The following ATP8A2 variants were observed in gnomAD, a reference collection of about 807,000 sequenced individuals.
The protein encoded by ATP8A2 is phospholipid-transporting ATPase IB.
A neutral mutation model predicts 165.6 loss-of-function variants in ATP8A2; 100 were observed. The ratio of observed to expected loss-of-function variants is 0.60; its 90% CI spans 0.51 to 0.71. ATP8A2 has a LOEUF of 0.71. Ranked by LOEUF, ATP8A2 falls within the 30% of genes least tolerant of loss-of-function variation. ATP8A2 has a pLI of 0.00. For missense variants in ATP8A2, 1,227 were observed against 1,479.5 expected (o/e 0.83, Z 2.80); for synonymous variants, 543 against 548.8 (o/e 0.99, Z 0.15).
At chr13:25,763,623 C>T (rs1216133679) in intron 25 of ATP8A2, among the ~76,000 whole-genome samples, 4 of 152,206 alleles carry the variant, frequency 2.6e-5, no homozygotes, top group Non-Finnish European at 5.9e-5. Context: ...ATATCTGCCA[C>T]TGTGCTCCAG....
At chr13:25,795,604 TC>T (rs957271087) in intron 27 of ATP8A2, among the ~76,000 whole-genome samples, 23 of 152,278 alleles carry the variant, frequency 1.5e-4, no homozygotes, top group African/African-American at 5.1e-4. Flanking sequence ...AGGACTTTTT[TC>T]CCCCTCTTTG....
chr13:25,973,666 C>T (rs767890704), intron 35 of ATP8A2, among the ~76,000 whole-genome samples: 7 of 152,210 alleles, frequency 4.6e-5, no homozygotes, highest in Admixed American at 1.3e-4. Flanking sequence ...AACGGAAATC[C>T]TTTGATCTTT....
At chr13:25,948,042 A>G (rs774706332) in intron 33 of ATP8A2, among the ~76,000 whole-genome samples, 7 of 152,204 alleles carry the variant, frequency 4.6e-5, no homozygotes, top group Non-Finnish European at 7.3e-5. Context: ...AATATAAAAA[A>G]GAGACTTAGA....
chr13:25,980,452 T>C (rs1956153058), intron 35 of ATP8A2, among the ~76,000 whole-genome samples: 1 of 151,930 alleles, frequency 6.6e-6, no homozygotes, highest in South Asian at 2.1e-4. Flanking sequence ...AGAAGGCCTG[T>C]AGGGGGAGTG....
chr13:25,779,572 CT>C (rs1053726916), intron 27 of ATP8A2, among the ~76,000 whole-genome samples: 3 of 151,276 alleles, frequency 2.0e-5, no homozygotes, highest in East Asian at 1.9e-4. Context: ...GCTGGGATTC[CT>C]TTTTTTTTCT....
intron 33 of ATP8A2, among the ~76,000 whole-genome samples, chr13:25,896,047 G>A (rs1953535731): frequency 1.3e-5 from 2 of 152,098 alleles, no homozygotes; most frequent in Non-Finnish European, 2.9e-5. Flanking sequence ...GTTCTGCTCT[G>A]ATCTTAGTTA....
At chr13:25,777,959 T>C (rs2044779433) in intron 27 of ATP8A2, among the ~76,000 whole-genome samples, 1 of 152,242 alleles carries the variant, frequency 6.6e-6, no homozygotes, top group Non-Finnish European at 1.5e-5. Flanking sequence ...TATGGAGATA[T>C]TTATGTATAC....
intron 24 of ATP8A2, among the ~76,000 whole-genome samples, chr13:25,686,282 A>C (rs985707552): frequency 3.9e-5 from 6 of 152,196 alleles, no homozygotes; most frequent in Non-Finnish European, 7.3e-5. Context: ...CAAGGAGCGG[A>C]TGCGTCACGG....
At chr13:25,698,565 G>A (rs1209114450) in intron 24 of ATP8A2, among the ~76,000 whole-genome samples, 1 of 151,824 alleles carries the variant, frequency 6.6e-6, no homozygotes, top group Non-Finnish European at 1.5e-5. Flanking sequence ...AAATGTTATT[G>A]TGCTTTAATT....
intron 33 of ATP8A2, among the ~76,000 whole-genome samples, chr13:25,905,059 C>T (rs1016334399): frequency 4.6e-5 from 7 of 151,940 alleles, no homozygotes; most frequent in African/African-American, 1.5e-4. Flanking sequence ...AGTGTGTGCC[C>T]AGCCTGGGCC....
At chr13:25,833,120 C>T (rs755567327) in intron 28 of ATP8A2, among the ~76,000 whole-genome samples, 9 of 150,232 alleles carry the variant, frequency 6.0e-5, no homozygotes, top group African/African-American at 1.7e-4. Flanking sequence ...AAAGGAAGTA[C>T]GAATTCTTTC....
chr13:25,663,364 C>T (rs1454250783), intron 24 of ATP8A2, among the ~76,000 whole-genome samples: 8 of 152,116 alleles, frequency 5.3e-5, no homozygotes, highest in Admixed American at 1.3e-4. Flanking sequence ...ACTTTTTCTT[C>T]GATTGCTGGG....
intron 2 of ATP8A2, among the ~76,000 whole-genome samples, chr13:25,494,555 T>C (rs915716488): frequency 1.3e-5 from 2 of 152,212 alleles, no homozygotes; most frequent in African/African-American, 4.8e-5. Context: ...GCTTTTCTGT[T>C]TGTTTGCCTG....
intron 33 of ATP8A2, among the ~76,000 whole-genome samples, chr13:25,924,769 G>C (rs141197080): frequency 6.6e-6 from 1 of 152,128 alleles, no homozygotes. Flanking sequence ...GGGAGGACCC[G>C]GTGGGAGGTA....
rs147976172 is a variant in ATP8A2 at position 25,613,088 on chromosome 13, A to G, written c.2211+23389A>G. Among the ~76,000 whole-genome samples the G allele has an allele frequency of 5.2e-3, 790 of 152,176 alleles. 9 individuals carry two copies. The highest frequency in any genetic ancestry group is 0.021 in the South Asian group (99 of 4,822). On this transcript the variant is annotated intron_variant, in intron 24 of 36. Coordinates refer to ENST00000381655, the MANE Select transcript of ATP8A2 (RefSeq NM_016529.6). ...ATTCTTATCCATTCTGCCATTCTGTATATTTTAGGTGGAGCATATATGCCA... is the reference window on the plus strand; with the variant it reads ...ATTCTTATCCATTCTGCCATTCTGTGTATTTTAGGTGGAGCATATATGCCA...
At chr13:25,942,543 C>T (rs112266984) in intron 33 of ATP8A2, among the ~76,000 whole-genome samples, 1,601 of 152,306 alleles carry the variant, frequency 0.011, 31 homozygotes, top group African/African-American at 0.037. Flanking sequence ...CTGCCTCAGC[C>T]TCTCGAGTAG....
rs1422613083 is a variant in ATP8A2, at chr13:25,589,790, G to T, written c.2211+91G>T. On this transcript the variant is annotated intron_variant, in intron 24 of 36. Transcript: ENST00000381655. ...CATTGATAATCAGGGATCATGTTTTGCTAAAAAACAGTTATGAAAAAACTG... is the reference window on the plus strand; with the variant it reads ...CATTGATAATCAGGGATCATGTTTTTCTAAAAAACAGTTATGAAAAAACTG... The T allele has an allele frequency of 5.1e-6, 4 of 789,928 alleles. No homozygotes were observed. In the East Asian group the frequency reaches 1.1e-4, roughly 21 times the overall value. 48.9% of individuals were successfully genotyped at this position (789,928 alleles called of 1,614,324 possible).
chr13:25,531,244 GTT>G (rs2038043759), intron 4 of ATP8A2, among the ~76,000 whole-genome samples: 2 of 57,432 alleles, frequency 3.5e-5, no homozygotes, highest in East Asian at 5.3e-4. Flanking sequence ...TGATATATAT[GTT>G]ATATATGATA....
chr13:25,605,532 T>C (rs1272807009), intron 24 of ATP8A2, among the ~76,000 whole-genome samples: 1 of 152,196 alleles, frequency 6.6e-6, no homozygotes, highest in East Asian at 1.9e-4. Context: ...ATATAAATTT[T>C]TGGCTCTTTT....
Sources: gnomAD v4.1 joint callset for allele counts (sites outside exome capture counted in the v4.1 genomes callset) on GRCh38, gnomAD v4.1.1 for gene constraint, MANE v1.5 for transcripts, NCBI Gene and HGNC (gene_info 2026-07-23, HGNC 2026-07-21) for gene names.